The following TRAP1 variants were observed in gnomAD, a reference collection of about 807,000 sequenced individuals.
The protein encoded by TRAP1 is TNF receptor associated protein 1.
Under a neutral mutation model 89.1 loss-of-function variants are expected in TRAP1, and 102 were observed. The observed-to-expected ratio is 1.15, with a 90% CI of 0.98 to 1.35. The LOEUF (loss-of-function observed/expected upper bound fraction) is 1.35, where lower values mean the gene tolerates loss of function less well. TRAP1 is among the 40% of genes most tolerant of loss of function. The probability of loss-of-function intolerance (pLI) is 0.00; values close to 1 mark genes in which losing one functional copy is unlikely to be tolerated. For missense variants in TRAP1, 1,256 were observed against 945.3 expected (o/e 1.33, Z -4.31); for synonymous variants, 508 against 388.0 (o/e 1.31, Z -3.64).
At chr16:3,673,042 C>T (rs958683125) in intron 9 of TRAP1, among the ~76,000 whole-genome samples, 7 of 152,152 alleles carry the variant, frequency 4.6e-5, no homozygotes, top group Admixed American at 1.3e-4. Flanking sequence ...CCTCCCCAGC[C>T]CACCCCCTAA....
At chr16:3,686,286 G>C in intron 3 of TRAP1, 150 bp from the exon 4 acceptor site, 5 of 934,704 alleles carry the variant, frequency 5.3e-6, no homozygotes, top group South Asian at 1.9e-5. Flanking sequence ...GTCAAAGGCA[G>C]TTCCTCTGGG....
At chr16:3,664,598 T>G (rs1237052410) in intron 12 of TRAP1, 139 bp from the exon 13 acceptor site, 1 of 893,786 alleles carries the variant, frequency 1.1e-6, no homozygotes, top group Non-Finnish European at 1.6e-6. Context: ...GGTAGTGGAC[T>G]CGGGGGTTGT....
chr16:3,705,973 G>A (rs892595243), intron 1 of TRAP1, among the ~76,000 whole-genome samples: 3 of 150,328 alleles, frequency 2.0e-5, no homozygotes, highest in East Asian at 1.9e-4. Context: ...GATTACAGGC[G>A]TGAGCCACCA....
chr16:3,675,532 C>G, intron 7 of TRAP1, 135 bp from the exon 8 acceptor site: 1 of 790,598 alleles, frequency 1.3e-6, no homozygotes, highest in South Asian at 1.7e-5. Flanking sequence ...GGTACAGAAA[C>G]AGGGCACAGT....
In TRAP1 at chr16:3,674,428, C is replaced by T. The variant is rs1457862049; in HGVS notation, c.955G>A (p.Ala319Thr). The change falls in exon 9 of 18, where the codon GCG becomes ACG. Residue 319 changes from alanine (A) to threonine (T), a missense_variant. Physicochemically the swap from Ala to Thr is moderately conservative, Grantham distance 58 (BLOSUM62 0). Coordinates refer to ENST00000246957, the MANE Select transcript of TRAP1 (RefSeq NM_016292.3). The part of the protein sequence containing the change: ...WQHEEFYRYV[A>T]QAHDKPRYTL... ...TAGCGGGGCTTGTCGTGAGCCTGCG[C>T]GACGTAGCGGTAGAACTCCTCATGT... 5 of 1,614,080 alleles carry T rather than the reference C, an allele frequency of 3.1e-6. No homozygotes were observed. The highest frequency in any genetic ancestry group is 1.7e-5 in the Admixed American group (1 of 60,026).
chr16:3,670,887 C>A (rs753705152), intron 11 of TRAP1, among the ~76,000 whole-genome samples: 1 of 152,072 alleles, frequency 6.6e-6, no homozygotes, highest in African/African-American at 2.4e-5. Context: ...TGCTCCTGCC[C>A]GCGGCACAGG....
At chr16:3,662,249 A>T in intron 15 of TRAP1, 117 bp from the exon 16 acceptor site, 1 of 1,240,830 alleles carries the variant, frequency 8.1e-7, no homozygotes, top group African/African-American at 1.5e-5. Flanking sequence ...GGTCTCAAGG[A>T]CTCCCCTGGA....
intron 11 of TRAP1, among the ~76,000 whole-genome samples, chr16:3,667,449 C>T (rs2151246928): frequency 6.6e-6 from 1 of 151,770 alleles, no homozygotes; most frequent in African/African-American, 2.4e-5. Flanking sequence ...CATGGTAAGC[C>T]CCCGTCTCTA....
chr16:3,671,797 A>G lies in TRAP1; in HGVS notation c.1166-6T>C. 6.2e-7 allele frequency: 1 copy of G among 1,611,504 alleles called. No homozygotes were observed. The highest frequency in any genetic ancestry group is 8.5e-7 in the Non-Finnish European group (1 of 1,179,932). On this transcript the variant is annotated splice_region_variant and splice_polypyrimidine_tract_variant and intron_variant, in intron 10 of 17. Coordinates refer to ENST00000246957, the MANE Select transcript of TRAP1 (RefSeq NM_016292.3). ...GTCCTCACTGTCCACCACACCTGGG[A>G]GACACGGCAGTCAGCTTCTCCCGGG... is the stretch of plus-strand genomic sequence containing the variant.
intron 1 of TRAP1, among the ~76,000 whole-genome samples, chr16:3,701,356 A>G (rs928170740): frequency 1.3e-5 from 2 of 152,256 alleles, no homozygotes; most frequent in African/African-American, 4.8e-5. Flanking sequence ...TGGAGATCTT[A>G]ACACTCCTCT....
chr16:3,661,251 T>C (rs1294608209), intron 16 of TRAP1: 1 of 152,096 alleles, frequency 6.6e-6, no homozygotes, highest in Admixed American at 6.5e-5. Flanking sequence ...AAAGAAGTGA[T>C]ACTGTAAAAA....
chr16:3,703,877 T>C (rs944527519), intron 1 of TRAP1, among the ~76,000 whole-genome samples: 2 of 151,040 alleles, frequency 1.3e-5, no homozygotes, highest in Non-Finnish European at 2.9e-5. Flanking sequence ...TAGCCGGGCG[T>C]GGTGGCGGGT....
At position 3,677,603 on chromosome 16, in the gene TRAP1, T is replaced by C. The variant is rs1285049219; in HGVS notation, c.599A>G (p.Gln200Arg). 1 of 1,614,140 alleles carries C rather than the reference T, an allele frequency of 6.2e-7. No individual in the cohort carries two copies. Among genetic ancestry groups the C allele is most frequent in the Non-Finnish European group, 8.5e-7 (1 of 1,180,022 alleles). Residue 200 changes from glutamine (Q) to arginine (R), a missense_variant, in exon 6 of 18, where the codon CAG (glutamine) becomes CGG (arginine). Transcript: ENST00000246957. ...QAEASSKIIGQFGVGFYSAFM... is the reference protein window; with the variant it reads ...QAEASSKIIGRFGVGFYSAFM... The stretch of plus-strand genomic sequence containing the variant: ...AGCTGAGTAGAAACCCACTCCAAAC[T>C]GGCCGATGATCTTGCTGCTGGCCTC...
chr16:3,680,882 C>A (rs2051065378), intron 4 of TRAP1, among the ~76,000 whole-genome samples: 1 of 152,222 alleles, frequency 6.6e-6, no homozygotes, highest in South Asian at 2.1e-4. Flanking sequence ...GATGCCCAAT[C>A]TGCTGGCCCC....
At chr16:3,682,682 C>A (rs1303191361) in intron 4 of TRAP1, among the ~76,000 whole-genome samples, 1 of 152,096 alleles carries the variant, frequency 6.6e-6, no homozygotes, top group African/African-American at 2.4e-5. Flanking sequence ...CGTGAGCCAC[C>A]ATGCCTGGCA....
intron 1 of TRAP1, among the ~76,000 whole-genome samples, chr16:3,693,422 G>A (rs913364323): frequency 2.6e-5 from 4 of 151,882 alleles, no homozygotes; most frequent in African/African-American, 9.7e-5. Flanking sequence ...CATTTCTTCT[G>A]GAATTAAATG....
intron 8 of TRAP1, chr16:3,674,950 G>A (rs951267639): frequency 6.1e-6 from 2 of 325,252 alleles, no homozygotes; most frequent in Middle Eastern, 9.1e-4. Context: ...CGTGGCTGCT[G>A]GGACTGGGGG....
intron 14 of TRAP1, 94 bp downstream of exon 14, chr16:3,663,330 T>A: frequency 6.5e-7 from 1 of 1,539,244 alleles, no homozygotes; most frequent in Non-Finnish European, 8.8e-7. Context: ...CCAGGTCAAC[T>A]GACGAAAACC....
At chr16:3,699,838 C>CT (rs60766205) in intron 1 of TRAP1, among the ~76,000 whole-genome samples, 374 of 136,274 alleles carry the variant, frequency 2.7e-3, no homozygotes, top group Admixed American at 4.3e-3. Context: ...GGACTAAATT[C>CT]TTTTTTTTTT....
Sources: gnomAD v4.1 joint callset for allele counts (sites outside exome capture counted in the v4.1 genomes callset) on GRCh38, gnomAD v4.1.1 for gene constraint, MANE v1.5 for transcripts, NCBI Gene and HGNC (gene_info 2026-07-23, HGNC 2026-07-21) for gene names.